ZNF267: variants seen among roughly 807,000 people sequenced by gnomAD.
ZNF267 encodes zinc finger (C2H2).
A neutral mutation model predicts 71.6 loss-of-function variants in ZNF267; 61 were observed. The observed-to-expected ratio is 0.85, with a 90% CI of 0.69 to 1.05. The LOEUF (loss-of-function observed/expected upper bound fraction) is 1.05. ZNF267 is among the 50% of genes least tolerant of loss of function. The pLI, the probability that ZNF267 is intolerant of heterozygous loss-of-function variation, is 0.00. For synonymous variants in ZNF267, 288 were observed against 293.2 expected (o/e 0.98, Z 0.18); for missense variants, 852 against 870.0 (o/e 0.98, Z 0.26).
At position 31,914,902 on chromosome 16, in the gene ZNF267, G is replaced by A. The variant is rs2084161746; in HGVS notation, c.653G>A (p.Cys218Tyr). ...TTTATTGGAGAGAAAAATTATCATTGCAATAATTCTGAAAAAACCTTGAAC... is the reference window on the plus strand; with the variant it reads ...TTTATTGGAGAGAAAAATTATCATTACAATAATTCTGAAAAAACCTTGAAC... ...NVFIGEKNYH[C>Y]NNSEKTLNQS... Residue 218 changes from cysteine (C) to tyrosine (Y), a missense_variant, in exon 4 of 4, where the codon TGC (cysteine) becomes TAC (tyrosine). By Grantham distance (194) the Cys-to-Tyr change is radical. Transcript: ENST00000300870. The A allele has an allele frequency of 6.2e-7, 1 of 1,612,216 alleles. No homozygotes were observed. The highest frequency in any genetic ancestry group is 8.5e-7 in the Non-Finnish European group (1 of 1,179,506).
intron 3 of ZNF267, among the ~76,000 whole-genome samples, chr16:31,897,156 A>C (rs551796827): frequency 5.0e-4 from 74 of 149,174 alleles, no homozygotes; most frequent in Middle Eastern, 3.5e-3. Flanking sequence ...ACAAAACAAA[A>C]CAAAAAAAAC....
Position 31,916,723 on chromosome 16 carries a change from T to C in ZNF267, c.*242T>C, listed in dbSNP as rs2084181386. 2 of 426,722 alleles carry C rather than the reference T, an allele frequency of 4.7e-6. No homozygotes were observed. The highest frequency in any genetic ancestry group is 8.2e-6 in the Non-Finnish European group (2 of 243,508). The allele number at this position is 426,722 out of a possible 1,614,324, so 26.4% of individuals were successfully genotyped here. On this transcript the variant is annotated 3_prime_UTR_variant, in exon 4 of 4. Coordinates refer to ENST00000300870, the MANE Select transcript of ZNF267 (RefSeq NM_003414.6). ...AAGATAATCCATACTAGAGAAACAC[T>C]ATAGATGTAAAAATGTGAAAAGTTT...
intron 2 of ZNF267, 39 bp from the exon 3 acceptor site, chr16:31,885,122 C>G: frequency 1.3e-6 from 2 of 1,501,226 alleles, no homozygotes; most frequent in African/African-American, 1.4e-5. Context: ...ATAAAAAGAA[C>G]CCTCATTAAG....
intron 1 of ZNF267, among the ~76,000 whole-genome samples, chr16:31,875,901 A>T (rs1596611863): frequency 6.6e-6 from 1 of 152,342 alleles, no homozygotes; most frequent in East Asian, 1.9e-4. Context: ...GTCATACTTC[A>T]TTGTTAAAAA....
chr16:31,902,420 C>T (rs954232812), intron 3 of ZNF267, among the ~76,000 whole-genome samples: 86 of 152,178 alleles, frequency 5.7e-4, no homozygotes, highest in Non-Finnish European at 1.0e-3. Context: ...TTCTTCCTAC[C>T]CATGAGCATG....
chr16:31,907,678 G>C (rs966103803), intron 3 of ZNF267, among the ~76,000 whole-genome samples: 1 of 152,048 alleles, frequency 6.6e-6, no homozygotes, highest in African/African-American at 2.4e-5. Context: ...GAAGTTGGAG[G>C]ATCATTTGAG....
At chr16:31,896,813 T>C (rs1389619155) in intron 3 of ZNF267, among the ~76,000 whole-genome samples, 1 of 152,174 alleles carries the variant, frequency 6.6e-6, no homozygotes, top group African/African-American at 2.4e-5. Context: ...CTGTGAAGAA[T>C]GCTGGTGACT....
Position 31,915,911 on chromosome 16 carries a change from C to CAA in ZNF267, c.1664_1665dup (p.Ala556LysfsTer210). The CAA allele has an allele frequency of 6.2e-7, 1 of 1,613,874 alleles. No homozygotes were observed. Among genetic ancestry groups the CAA allele is most frequent in the Non-Finnish European group, 8.5e-7 (1 of 1,179,984 alleles). On this transcript the variant is annotated frameshift_variant, in exon 4 of 4. Coordinates refer to ENST00000300870, the MANE Select transcript of ZNF267 (RefSeq NM_003414.6). LOFTEE classifies it high-confidence loss of function. ...AACCCTATAAATGTAAAGAATGTGG[C>CAA]AAAGCCTTTCCTTATAGTTCACACC... is the stretch of plus-strand genomic sequence containing the variant.
chr16:31,889,868 C>T (rs991105912), intron 3 of ZNF267, among the ~76,000 whole-genome samples: 1 of 152,178 alleles, frequency 6.6e-6, no homozygotes, highest in Admixed American at 6.5e-5. Context: ...ATGGGGATTA[C>T]TTTTCAACAT....
Position 31,916,819 on chromosome 16 carries a change from G to T in ZNF267, c.*338G>T, listed in dbSNP as rs895991904. On this transcript the variant is annotated 3_prime_UTR_variant, in exon 4 of 4. Coordinates refer to ENST00000300870, the MANE Select transcript of ZNF267 (RefSeq NM_003414.6). ...AAGGAAGTTTGCAGATGCAATAAAT[G>T]TGAGGAAGTATTTAATAAAAAATGA... is the stretch of plus-strand genomic sequence containing the variant. 1 of 202,718 alleles carries T rather than the reference G, an allele frequency of 4.9e-6. No individual in the cohort carries two copies. The highest frequency in any genetic ancestry group is 2.3e-5 in the African/African-American group (1 of 42,590). The allele number at this position is 202,718 out of a possible 1,614,324, so 12.6% of individuals were successfully genotyped here.
rs947152529 is a variant in ZNF267 at position 31,897,661 on chromosome 16, A to G, written c.226+12405A>G. ...CTATTGATATTTTGATAGAGAGTACATTGAATCTGTAAATCACCTTGGATA... is the reference window on the plus strand; with the variant it reads ...CTATTGATATTTTGATAGAGAGTACGTTGAATCTGTAAATCACCTTGGATA... On this transcript the variant is annotated intron_variant, in intron 3 of 3. Coordinates refer to ENST00000300870, the MANE Select transcript of ZNF267 (RefSeq NM_003414.6). 3.9e-5 allele frequency among the ~76,000 whole-genome samples: 6 copies of G among 152,140 alleles called. 1 individual carries two copies. Among genetic ancestry groups the G allele is most frequent in the Admixed American group, 3.3e-4 (5 of 15,276 alleles).
intron 3 of ZNF267, among the ~76,000 whole-genome samples, chr16:31,909,482 T>C (rs1297970429): frequency 6.6e-6 from 1 of 152,180 alleles, no homozygotes; most frequent in African/African-American, 2.4e-5. Flanking sequence ...ATTGTACAGA[T>C]CTTTCACTTC....
At chr16:31,903,543 G>A (rs1016772128) in intron 3 of ZNF267, among the ~76,000 whole-genome samples, 6 of 151,858 alleles carry the variant, frequency 4.0e-5, no homozygotes, top group Non-Finnish European at 7.4e-5. Flanking sequence ...GGAACTTATC[G>A]ATTTCTTCTA....
intron 3 of ZNF267, among the ~76,000 whole-genome samples, chr16:31,908,061 T>C (rs1296993064): frequency 6.6e-6 from 1 of 151,626 alleles, no homozygotes; most frequent in African/African-American, 2.4e-5. Context: ...AAAATAATAC[T>C]AATAATAAAT....
At chr16:31,875,269 C>A in intron 1 of ZNF267, 1 of 1,289,236 alleles carries the variant, frequency 7.8e-7, no homozygotes, top group South Asian at 1.2e-5. Context: ...TGACTGTCAG[C>A]CCCAGGTCAC....
At chr16:31,877,816 T>C (rs1376476637) in intron 1 of ZNF267, among the ~76,000 whole-genome samples, 1 of 152,136 alleles carries the variant, frequency 6.6e-6, no homozygotes, top group African/African-American at 2.4e-5. Flanking sequence ...TTTTTCCCAC[T>C]ACTTTTTTTT....
chr16:31,885,407 A>G, intron 3 of ZNF267, 151 bp downstream of exon 3: 1 of 608,822 alleles, frequency 1.6e-6, no homozygotes, highest in Non-Finnish European at 2.7e-6. Context: ...TCAAAGAGGG[A>G]CATCTTCTGT....
chr16:31,910,505 A>G (rs1442633567), intron 3 of ZNF267, among the ~76,000 whole-genome samples: 1 of 151,552 alleles, frequency 6.6e-6, no homozygotes, highest in African/African-American at 2.4e-5. Context: ...GAACTTACCC[A>G]TTTTTGTTAG....
intron 1 of ZNF267, among the ~76,000 whole-genome samples, chr16:31,882,748 G>A (rs893944906): frequency 3.3e-5 from 5 of 152,144 alleles, no homozygotes; most frequent in Non-Finnish European, 7.4e-5. Context: ...CAATGATTAT[G>A]GGCCCATCTG....
Sources: gnomAD v4.1 joint callset for allele counts (sites outside exome capture counted in the v4.1 genomes callset) on GRCh38, gnomAD v4.1.1 for gene constraint, MANE v1.5 for transcripts, NCBI Gene and HGNC (gene_info 2026-07-23, HGNC 2026-07-21) for gene names.